Variants in OGFRL1 observed in about 807,000 individuals in gnomAD.
The protein encoded by OGFRL1 is opioid growth factor receptor like 1.
Under a neutral mutation model 32.4 loss-of-function variants are expected in OGFRL1, and 26 were observed. The ratio of observed to expected loss-of-function variants is 0.80; its 90% confidence interval spans 0.59 to 1.11. The LOEUF is 1.11. Ranked by LOEUF, OGFRL1 falls within the 50% of genes most tolerant of loss-of-function variation. OGFRL1 has a pLI of 0.00. For missense variants in OGFRL1, 521 were observed against 546.4 expected (o/e 0.95, Z 0.46); for synonymous variants, 211 against 201.2 (o/e 1.05, Z -0.41).
Position 71,301,293 on chromosome 6 carries a change from A to G in OGFRL1, c.693-93A>G, listed in dbSNP as rs535932605. ...TACACAGCATATTTCCATGGCTTAC[A>G]TTTCCATAAAAAATATTTTCCCAAT... On this transcript the variant is annotated intron_variant, in intron 6 of 6. Transcript: ENST00000370435. 1,457 of 1,089,560 alleles carry G rather than the reference A, an allele frequency of 1.3e-3. 2 individuals carry two copies. Among genetic ancestry groups the G allele is most frequent in the Non-Finnish European group, 1.4e-3 (1,051 of 751,400 alleles). The allele number at this position is 1,089,560 out of a possible 1,614,324, so 67.5% of individuals were successfully genotyped here.
At chr6:71,295,478 T>G (rs539940639) in intron 3 of OGFRL1, 1 of 152,284 alleles carries the variant, frequency 6.6e-6, no homozygotes, top group African/African-American at 2.4e-5. Context: ...GAGGATTTTG[T>G]TTTTGTAAGT....
Position 71,296,362 on chromosome 6 carries a change from A to T in OGFRL1, c.446A>T (p.Glu149Val), listed in dbSNP as rs1014261033. ...EVLSKWKGDY[E>V]KLEHNHTYIQ... ...CTAAGTAAATGGAAAGGAGATTATG[A>T]AAAACTGGAGCACAACCACACTTAC... The change falls in exon 4 of 7, where the codon GAA becomes GTA. Residue 149 changes from glutamate to valine, a missense_variant. Glu to Val is a moderately radical substitution (Grantham distance 121). Coordinates refer to ENST00000370435, the MANE Select transcript of OGFRL1 (RefSeq NM_024576.5). The T allele has an allele frequency of 6.2e-7, 1 of 1,611,508 alleles. No individual in the cohort carries two copies. The highest frequency in any genetic ancestry group is 8.5e-7 in the Non-Finnish European group (1 of 1,178,072).
rs76809504 is a variant in OGFRL1, at chr6:71,296,678, A to C, written c.553A>C (p.Lys185Gln). Residue 185 changes from lysine to glutamine, a missense_variant, in exon 6 of 7, where the codon AAA becomes CAA. Transcript: ENST00000370435. ...TTTTCATTTTTTATATTAGGAATTC[A>C]AAAAAACAAAAGAAGCAATTAGAAG... ...ELTTYEIEEF[K>Q]KTKEAIRRFL... 1.9e-6 allele frequency: 3 copies of C among 1,609,572 alleles called. No individual in the cohort carries two copies. The highest frequency in any genetic ancestry group is 2.2e-5 in the East Asian group (1 of 44,834).
rs772248967 is a variant in OGFRL1 at position 71,302,038 on chromosome 6, C to G, written c.1345C>G (p.Leu449Val). Reference sequence around the variant, plus strand: ...AAATACAAATTGCCATGATGTTGTACTAGTACAGTGAATTATCAGAAAACC... The same window carrying G: ...AAATACAAATTGCCATGATGTTGTAGTAGTACAGTGAATTATCAGAAAACC... ...PGNTNCHDVV[L>V]VQ Residue 449 changes from leucine to valine, a missense_variant, in exon 7 of 7, where the codon CTA (leucine) becomes GTA (valine). By Grantham distance (32) the Leu-to-Val change is conservative. Coordinates refer to ENST00000370435, the MANE Select transcript of OGFRL1 (RefSeq NM_024576.5). 1 of 1,543,306 alleles carries G rather than the reference C, an allele frequency of 6.5e-7. No homozygotes were observed. The highest frequency in any genetic ancestry group is 2.2e-5 in the Admixed American group (1 of 45,866).
Position 71,296,689 on chromosome 6 carries a change from A to C in OGFRL1, c.564A>C (p.Lys188Asn). Residue 188 changes from lysine to asparagine, a missense_variant, in exon 6 of 7, where the codon AAA (lysine) becomes AAC (asparagine). Lys to Asn is a moderately conservative substitution (Grantham distance 94). Coordinates refer to ENST00000370435, the MANE Select transcript of OGFRL1 (RefSeq NM_024576.5). Reference sequence around the variant, plus strand: ...TATATTAGGAATTCAAAAAAACAAAAGAAGCAATTAGAAGATTCCTCCTGG... The same window carrying C: ...TATATTAGGAATTCAAAAAAACAAACGAAGCAATTAGAAGATTCCTCCTGG... Reference protein sequence around the residue: ...TYEIEEFKKTKEAIRRFLLAY... With the variant: ...TYEIEEFKKTNEAIRRFLLAY... The C allele has an allele frequency of 6.2e-7, 1 of 1,610,516 alleles. No homozygotes were observed. Among genetic ancestry groups the C allele is most frequent in the Non-Finnish European group, 8.5e-7 (1 of 1,178,890 alleles).
At position 71,303,351 on chromosome 6, in the gene OGFRL1, A is replaced by G. The variant is rs1766456943; in HGVS notation, c.*1302A>G. 6.6e-6 allele frequency: 1 copy of G among 152,232 alleles called. No homozygotes were observed. The highest frequency in any genetic ancestry group is 6.5e-5 in the Admixed American group (1 of 15,282). 9.4% of individuals were successfully genotyped at this position (152,232 alleles called of 1,614,324 possible). A position where few individuals can be genotyped will look rare whatever the true frequency, so the allele number is the denominator to read the frequency against. On this transcript the variant is annotated 3_prime_UTR_variant, in exon 7 of 7. Transcript: ENST00000370435. ...ATTAGGATGATCTATATTGAAATCT[A>G]CATGGAACAGAGTGGGACTTCTAAT...
At position 71,296,505 on chromosome 6, in the gene OGFRL1, CT is replaced by C. The variant is rs1766214905; in HGVS notation, c.491del (p.Leu164ArgfsTer6). The stretch of plus-strand genomic sequence containing the variant: ...TTTTAAAATAAATAGGCTTTTCCCC[CT>C]GAGAGAACAAGGCTTGAACTTCTAT... Reference protein sequence around the residue: ...NHTYIQWLFPLREQGLNFYAK... With the variant: ...NHTYIQWLFPXREQGLNFYAK... On this transcript the variant is annotated frameshift_variant, in exon 5 of 7. Transcript: ENST00000370435. LOFTEE classifies it high-confidence loss of function. The C allele has an allele frequency of 1.2e-6, 2 of 1,609,500 alleles. No individual in the cohort carries two copies. The highest frequency in any genetic ancestry group is 1.7e-6 in the Non-Finnish European group (2 of 1,178,126).
rs1413968180 is a variant in OGFRL1 at position 71,302,188 on chromosome 6, G to T, written c.*139G>T. On this transcript the variant is annotated 3_prime_UTR_variant, in exon 7 of 7. Coordinates refer to ENST00000370435, the MANE Select transcript of OGFRL1 (RefSeq NM_024576.5). ...TTCTGTCATAAGCATTTTGTTGTTT[G>T]TTTTTTTATTTTGGATGACAATGAA... 4.4e-6 allele frequency: 3 copies of T among 675,516 alleles called. No homozygotes were observed. The highest frequency in any genetic ancestry group is 6.7e-6 in the Non-Finnish European group (3 of 450,094). The allele number at this position is 675,516 out of a possible 1,614,324, so 41.8% of individuals were successfully genotyped here. A position where few individuals can be genotyped will look rare whatever the true frequency, so the allele number is the denominator to read the frequency against.
intron 3 of OGFRL1, chr6:71,295,513 G>A (rs1766177207): frequency 6.6e-6 from 1 of 152,138 alleles, no homozygotes; most frequent in African/African-American, 2.4e-5. Flanking sequence ...AGTGGACAGG[G>A]TGAAAAGGGC....
chr6:71,289,653 G>C, intron 1 of OGFRL1: 1 of 981,876 alleles, frequency 1.0e-6, no homozygotes, highest in Non-Finnish European at 1.2e-6. Flanking sequence ...TAAGCCGTCA[G>C]AAGTGTAGGC....
At chr6:71,291,753 T>C (rs1479219022) in intron 1 of OGFRL1, 1 of 152,224 alleles carries the variant, frequency 6.6e-6, no homozygotes. Flanking sequence ...TTCAGCTAAA[T>C]GATTTGCTTA....
chr6:71,306,082 T>C lies in OGFRL1; in HGVS notation c.*4033T>C, dbSNP rs1766542967. ...GAGTGGCGATCCTCTGTTGTAGGAA[T>C]GTTTTTGAAGATTTCTATTTTGTTT... On this transcript the variant is annotated 3_prime_UTR_variant, in exon 7 of 7. Coordinates refer to ENST00000370435, the MANE Select transcript of OGFRL1 (RefSeq NM_024576.5). The C allele has an allele frequency of 6.6e-6, 1 of 152,282 alleles. No homozygotes were observed. The highest frequency in any genetic ancestry group is 1.5e-5 in the Non-Finnish European group (1 of 68,012). The allele number at this position is 152,282 out of a possible 1,614,324, so 9.4% of individuals were successfully genotyped here. A position where few individuals can be genotyped will look rare whatever the true frequency, so the allele number is the denominator to read the frequency against.
In OGFRL1 at chr6:71,296,392, A is replaced by C. The variant is rs1766209727; in HGVS notation, c.476A>C (p.Gln159Pro). The change falls in exon 4 of 7, where the codon CAA (glutamine) becomes CCA (proline). Residue 159 changes from glutamine to proline, a missense_variant. Gln to Pro is a moderately conservative substitution (Grantham distance 76). Transcript: ENST00000370435. The stretch of plus-strand genomic sequence containing the variant: ...CTGGAGCACAACCACACTTACATTC[A>C]ATGGTCAGTTACATATTATCTATCT... ...EKLEHNHTYI[Q>P]WLFPLREQGL... 5.6e-6 allele frequency: 9 copies of C among 1,610,868 alleles called. No individual in the cohort carries two copies. The highest frequency in any genetic ancestry group is 7.6e-6 in the Non-Finnish European group (9 of 1,177,566).
chr6:71,297,053 C>G (rs950331642), intron 6 of OGFRL1, among the ~76,000 whole-genome samples: 2 of 149,696 alleles, frequency 1.3e-5, no homozygotes, highest in African/African-American at 4.8e-5. Context: ...ACCTGTTTCT[C>G]CCTGAAACCT....
intron 1 of OGFRL1, among the ~76,000 whole-genome samples, 189 bp from the exon 2 acceptor site, chr6:71,293,104 G>T (rs760752755): frequency 6.6e-6 from 1 of 152,094 alleles, no homozygotes; most frequent in Non-Finnish European, 1.5e-5. Flanking sequence ...GTTCAAATAA[G>T]AAAAATAGGA....
chr6:71,301,572 G>A lies in OGFRL1; in HGVS notation c.879G>A (p.Arg293=). ...ATACAATTAGAGACAGAAGAGAAAG[G>A]AGAAAGCTCCTGCGGTTCGCCCAGA... ...FVYTIRDRRE[R]RKLLRFAQKH... The change falls in exon 7 of 7, where the codon AGG becomes AGA. Residue 293 remains arginine, a synonymous_variant. Transcript: ENST00000370435. The A allele has an allele frequency of 6.2e-7, 1 of 1,614,156 alleles. No homozygotes were observed. Among genetic ancestry groups the A allele is most frequent in the Non-Finnish European group, 8.5e-7 (1 of 1,180,042 alleles).
At chr6:71,298,131 A>G (rs1766271748) in intron 6 of OGFRL1, among the ~76,000 whole-genome samples, 4 of 152,012 alleles carry the variant, frequency 2.6e-5, no homozygotes, top group African/African-American at 9.7e-5. Flanking sequence ...AAAACGCTAA[A>G]GATATGGGCA....
Position 71,308,212 on chromosome 6 carries a change from C to G in OGFRL1, c.*6163C>G, listed in dbSNP as rs965713608. 6.6e-6 allele frequency: 1 copy of G among 152,158 alleles called. No homozygotes were observed. Among genetic ancestry groups the G allele is most frequent in the Non-Finnish European group, 1.5e-5 (1 of 68,018 alleles). 9.4% of individuals were successfully genotyped at this position (152,158 alleles called of 1,614,324 possible). ...TCTGGCTGCAGATAAGAGAAAGACT[C>G]AGTGATAGGTGGTTTGTGAGTGAAG... On this transcript the variant is annotated 3_prime_UTR_variant, in exon 7 of 7. Coordinates refer to ENST00000370435, the MANE Select transcript of OGFRL1 (RefSeq NM_024576.5).
Position 71,307,084 on chromosome 6 carries a change from T to C in OGFRL1, c.*5035T>C, listed in dbSNP as rs1452016489. 1 of 152,224 alleles carries C rather than the reference T, an allele frequency of 6.6e-6. No homozygotes were observed. The highest frequency in any genetic ancestry group is 6.5e-5 in the Admixed American group (1 of 15,276). 9.4% of individuals were successfully genotyped at this position (152,224 alleles called of 1,614,324 possible). On this transcript the variant is annotated 3_prime_UTR_variant, in exon 7 of 7. Transcript: ENST00000370435. ...TTATTTGAGGGAAATAACCTCTTAA[T>C]ATGTTTATTTTCCTGAACTAAAGTT...
Sources: gnomAD v4.1 joint callset for allele counts (sites outside exome capture counted in the v4.1 genomes callset) on GRCh38, gnomAD v4.1.1 for gene constraint, MANE v1.5 for transcripts, NCBI Gene and HGNC (gene_info 2026-07-23, HGNC 2026-07-21) for gene names.